The following SUPT3H variants were observed in gnomAD, a reference collection of about 807,000 sequenced individuals.
The protein encoded by SUPT3H is transcription initiation protein SPT3 homolog.
SUPT3H carries 44 observed loss-of-function variants against 44.3 expected under a neutral mutation model. The ratio of observed to expected loss-of-function variants is 0.99; its 90% CI spans 0.78 to 1.28. The LOEUF (loss-of-function observed/expected upper bound fraction) is 1.28. SUPT3H is among the 50% of genes most tolerant of loss of function. SUPT3H has a pLI of 0.00. For missense variants in SUPT3H, 380 were observed against 387.1 expected (o/e 0.98, Z 0.15); for synonymous variants, 124 against 125.6 (o/e 0.99, Z 0.09).
intron 11 of SUPT3H, among the ~76,000 whole-genome samples, chr6:44,810,206 TAACTGA>T (rs1766419855): frequency 6.6e-6 from 1 of 152,116 alleles, no homozygotes; most frequent in Non-Finnish European, 1.5e-5. Flanking sequence ...CAGCAAAAGA[TAACTGA>T]AACAGAAATA....
Position 45,003,717 on chromosome 6 carries a change from G to C in SUPT3H, c.440C>G (p.Thr147Arg). The change falls in exon 6 of 11, where the codon ACA (threonine) becomes AGA (arginine). Residue 147 changes from threonine (T) to arginine (R), a missense_variant. Coordinates refer to ENST00000371459, the MANE Select transcript of SUPT3H (RefSeq NM_003599.4). ...AQDFLNSIDQ[T>R]GELLAMFEDD... ...TTCAAACATTGCTAAAAGTTCTCCTGTCTGGTCAATAGAGTTGAGGAAGTC... is the reference window on the plus strand; with the variant it reads ...TTCAAACATTGCTAAAAGTTCTCCTCTCTGGTCAATAGAGTTGAGGAAGTC... The C allele has an allele frequency of 6.2e-7, 1 of 1,613,814 alleles. No homozygotes were observed. Among genetic ancestry groups the C allele is most frequent in the South Asian group, 1.1e-5 (1 of 91,070 alleles).
rs186400175 is a variant in SUPT3H at position 45,209,958 on chromosome 6, C to T, written c.102-103952G>A. Among the ~76,000 whole-genome samples, 130 of 152,142 alleles carry T rather than the reference C, an allele frequency of 8.5e-4. 1 individual carries two copies. The highest frequency in any genetic ancestry group is 2.2e-3 in the African/African-American group (91 of 41,494). On this transcript the variant is annotated intron_variant, in intron 2 of 10. Coordinates refer to ENST00000371459, the MANE Select transcript of SUPT3H (RefSeq NM_003599.4). Reference sequence around the variant, plus strand: ...GACTATGACACATTGAAGGTTCAGACGATACCAGCAAAAAGACCATGACAC... The same window carrying T: ...GACTATGACACATTGAAGGTTCAGATGATACCAGCAAAAAGACCATGACAC...
chr6:45,073,187 T>C (rs1233562568), intron 3 of SUPT3H, among the ~76,000 whole-genome samples: 3 of 152,058 alleles, frequency 2.0e-5, no homozygotes, highest in African/African-American at 7.2e-5. Context: ...CATTCAAACA[T>C]ATGTGTCTAT....
intron 2 of SUPT3H, among the ~76,000 whole-genome samples, chr6:45,260,412 T>G (rs1584544021): frequency 3.7e-5 from 1 of 26,934 alleles, no homozygotes; most frequent in East Asian, 1.6e-3. Context: ...GCATTCAATT[T>G]ATTCCTATCA....
intron 1 of SUPT3H, 140 bp downstream of exon 1, chr6:45,377,628 G>A (rs1056803952): frequency 2.0e-5 from 3 of 152,230 alleles, no homozygotes; most frequent in Admixed American, 2.0e-4. Context: ...CGAAGACCCA[G>A]GCAGCCGCCC....
At chr6:45,134,060 G>C (rs562900132) in intron 2 of SUPT3H, among the ~76,000 whole-genome samples, 1 of 152,156 alleles carries the variant, frequency 6.6e-6, no homozygotes, top group Non-Finnish European at 1.5e-5. Flanking sequence ...AAGAATATCT[G>C]AGAATGAGTA....
At chr6:44,813,422 G>A (rs1766674926) in intron 11 of SUPT3H, among the ~76,000 whole-genome samples, 1 of 152,128 alleles carries the variant, frequency 6.6e-6, no homozygotes, top group African/African-American at 2.4e-5. Context: ...CTGGGCTCAA[G>A]AGATCCTCCC....
chr6:45,347,102 G>A (rs1011791750), intron 2 of SUPT3H, among the ~76,000 whole-genome samples: 2 of 152,114 alleles, frequency 1.3e-5, no homozygotes, highest in African/African-American at 4.8e-5. Flanking sequence ...ACAAATATGT[G>A]TGAGTTTACT....
At chr6:45,158,368 C>T (rs1282457442) in intron 2 of SUPT3H, among the ~76,000 whole-genome samples, 10 of 136,044 alleles carry the variant, frequency 7.4e-5, no homozygotes, top group East Asian at 6.7e-4. Context: ...GGCACTATCT[C>T]GGCTCACTGC....
At chr6:45,072,187 G>A (rs182662877) in intron 3 of SUPT3H, among the ~76,000 whole-genome samples, 8 of 152,184 alleles carry the variant, frequency 5.3e-5, no homozygotes, top group Non-Finnish European at 1.2e-4. Flanking sequence ...TAACTAGGCA[G>A]TCAGACTCCT....
chr6:45,251,938 A>C (rs914453378), intron 2 of SUPT3H, among the ~76,000 whole-genome samples: 4 of 152,188 alleles, frequency 2.6e-5, no homozygotes, highest in Non-Finnish European at 5.9e-5. Context: ...AAAAGAAAAA[A>C]AACATTATCT....
intron 2 of SUPT3H, among the ~76,000 whole-genome samples, chr6:45,213,399 T>C (rs1364200229): frequency 1.3e-5 from 2 of 152,208 alleles, no homozygotes; most frequent in Non-Finnish European, 2.9e-5. Flanking sequence ...TGAACTGTTT[T>C]ATAATTCACA....
intron 2 of SUPT3H, among the ~76,000 whole-genome samples, chr6:45,140,248 A>C (rs1286238438): frequency 6.6e-6 from 1 of 151,984 alleles, no homozygotes; most frequent in African/African-American, 2.4e-5. Context: ...GGCCAGACCC[A>C]CCTAAGCACG....
intron 3 of SUPT3H, among the ~76,000 whole-genome samples, chr6:45,045,185 A>G (rs1443914040): frequency 6.6e-6 from 1 of 152,182 alleles, no homozygotes; most frequent in Non-Finnish European, 1.5e-5. Context: ...AAACCTTAGA[A>G]TTTCAAGAAA....
rs148788244 is a variant in SUPT3H, at chr6:44,892,083, A to G, written c.912+40570T>C. Among the ~76,000 whole-genome samples, 388 of 152,296 alleles carry G rather than the reference A, an allele frequency of 2.5e-3. 2 individuals carry two copies. The highest frequency in any genetic ancestry group is 8.5e-3 in the African/African-American group (354 of 41,574). ...TCTAAAAAAGGAAGATAGTGAGTAC[A>G]AACCATCTGGAATGAAGAGAATGTC... On this transcript the variant is annotated intron_variant, in intron 10 of 10. Coordinates refer to ENST00000371459, the MANE Select transcript of SUPT3H (RefSeq NM_003599.4).
In SUPT3H at chr6:44,953,366, C is replaced by T; in HGVS notation, c.745G>A (p.Asp249Asn). Residue 249 changes from aspartate (D) to asparagine (N), a missense_variant, in exon 9 of 11, where the codon GAC (aspartate) becomes AAC (asparagine). By Grantham distance (23) the Asp-to-Asn change is conservative. Coordinates refer to ENST00000371459, the MANE Select transcript of SUPT3H (RefSeq NM_003599.4). ...GCAGAAATGGCATGGCTGAAGGGGTCCCCTGCCTTGGTTACCATGTCTTGC... is the reference window on the plus strand; with the variant it reads ...GCAGAAATGGCATGGCTGAAGGGGTTCCCTGCCTTGGTTACCATGTCTTGC... The part of the protein sequence containing the change: ...VRQDMVTKAG[D>N]PFSHAISATF... 6.2e-7 allele frequency: 1 copy of T among 1,614,010 alleles called. No homozygotes were observed. Among genetic ancestry groups the T allele is most frequent in the Non-Finnish European group, 8.5e-7 (1 of 1,179,974 alleles).
intron 2 of SUPT3H, among the ~76,000 whole-genome samples, chr6:45,318,966 A>G (rs1450799882): frequency 3.9e-5 from 6 of 152,180 alleles, no homozygotes; most frequent in Non-Finnish European, 8.8e-5. Flanking sequence ...TCTTCCCTAC[A>G]TAAATATTAA....
chr6:45,103,479 C>G (rs530776764), intron 3 of SUPT3H, among the ~76,000 whole-genome samples: 55 of 152,052 alleles, frequency 3.6e-4, no homozygotes, highest in African/African-American at 1.2e-3. Flanking sequence ...CACTAAGATA[C>G]ATTTTCAAAC....
At chr6:44,885,520 C>G (rs942574082) in intron 10 of SUPT3H, among the ~76,000 whole-genome samples, 1 of 152,206 alleles carries the variant, frequency 6.6e-6, no homozygotes, top group African/African-American at 2.4e-5. Flanking sequence ...TGGAGTGGAC[C>G]TCTAGCAAAC....
Sources: allele counts gnomAD v4.1 joint callset (sites outside exome capture counted in the v4.1 genomes callset), GRCh38; gene constraint gnomAD v4.1.1; transcripts MANE v1.5; gene names NCBI Gene and HGNC (gene_info 2026-07-23, HGNC 2026-07-21).